The following GRM7 variants were observed in gnomAD, a reference collection of about 807,000 sequenced individuals.
GRM7 encodes metabotropic glutamate receptor 7.
In GRM7, 35 loss-of-function variants were observed where a neutral mutation model predicts 84.5. The ratio of observed to expected loss-of-function variants is 0.41; its 90% confidence interval spans 0.32 to 0.55. The LOEUF (loss-of-function observed/expected upper bound fraction) is 0.55. Among genes scored for constraint, GRM7 ranks in the 20% least tolerant of loss-of-function variants. GRM7 has a pLI of 0.19. For missense variants in GRM7, 1,003 were observed against 1,194.6 expected, an observed-to-expected ratio of 0.84 and a Z score of 2.36; for synonymous variants, 487 against 455.1, an observed-to-expected ratio of 1.07 and a Z score of -0.89.
intron 7 of GRM7, among the ~76,000 whole-genome samples, chr3:7,524,508 G>GA (rs1370116614): frequency 1.1e-5 from 1 of 88,468 alleles, no homozygotes; most frequent in Non-Finnish European, 2.1e-5. Context: ...AAAAACACAT[G>GA]AAAAAATGCT....
chr3:7,415,212 C>T (rs1296827304), intron 5 of GRM7, 49 bp downstream of exon 5: 1 of 1,487,544 alleles, frequency 6.7e-7, no homozygotes, highest in Non-Finnish European at 9.4e-7. Flanking sequence ...GTGGCTAGCA[C>T]TGACATGTCT....
At chr3:7,411,756 C>T (rs1369724181) in intron 4 of GRM7, among the ~76,000 whole-genome samples, 3 of 152,178 alleles carry the variant, frequency 2.0e-5, no homozygotes, top group Non-Finnish European at 4.4e-5. Context: ...TACCACACTA[C>T]ACATTCTTGA....
chr3:7,709,937 C>T (rs1178959164), intron 9 of GRM7, among the ~76,000 whole-genome samples: 2 of 152,140 alleles, frequency 1.3e-5, no homozygotes, highest in Admixed American at 6.5e-5. Flanking sequence ...ATTAGGCGCC[C>T]TCCTGACCCA....
At chr3:6,981,969 C>T (rs548770126) in intron 1 of GRM7, among the ~76,000 whole-genome samples, 10 of 152,278 alleles carry the variant, frequency 6.6e-5, no homozygotes, top group African/African-American at 2.4e-4. Context: ...GAGTATAAAT[C>T]ATTCTGTTAA....
chr3:6,996,864 C>T (rs1249599906), intron 1 of GRM7, among the ~76,000 whole-genome samples: 3 of 152,154 alleles, frequency 2.0e-5, no homozygotes, highest in African/African-American at 7.2e-5. Context: ...ATCCCTGCAG[C>T]TCAACAAAAA....
intron 1 of GRM7, among the ~76,000 whole-genome samples, chr3:6,913,225 A>T (rs1696831844): frequency 6.6e-6 from 1 of 152,162 alleles, no homozygotes; most frequent in Non-Finnish European, 1.5e-5. Flanking sequence ...ATTCTGGAAG[A>T]TTTCTGATAT....
intron 1 of GRM7, among the ~76,000 whole-genome samples, chr3:6,938,345 T>C (rs1018917778): frequency 1.3e-5 from 2 of 152,120 alleles, no homozygotes; most frequent in Non-Finnish European, 2.9e-5. Context: ...TTTCCAGAAG[T>C]ATTACACAAA....
At chr3:7,070,284 A>G (rs1697819026) in intron 1 of GRM7, among the ~76,000 whole-genome samples, 1 of 152,156 alleles carries the variant, frequency 6.6e-6, no homozygotes, top group Non-Finnish European at 1.5e-5. Context: ...AACAGTTTCC[A>G]AAGTGTATTT....
chr3:7,526,489 C>T (rs1243831720), intron 7 of GRM7, among the ~76,000 whole-genome samples: 2 of 152,014 alleles, frequency 1.3e-5, no homozygotes, highest in Non-Finnish European at 2.9e-5. Context: ...TGTCTGTTTA[C>T]TCCATTGGTG....
intron 2 of GRM7, among the ~76,000 whole-genome samples, chr3:7,220,113 A>G (rs1389549732): frequency 2.0e-5 from 3 of 152,372 alleles, no homozygotes; most frequent in Admixed American, 2.0e-4. Context: ...TCTCTTATAC[A>G]GAAGAATTTC....
At chr3:7,469,474 G>A (rs989933023) in intron 7 of GRM7, among the ~76,000 whole-genome samples, 2 of 152,170 alleles carry the variant, frequency 1.3e-5, no homozygotes, top group African/African-American at 4.8e-5. Flanking sequence ...AGGTGAAATT[G>A]CTGCTCTTGA....
intron 4 of GRM7, among the ~76,000 whole-genome samples, chr3:7,373,040 G>A (rs1162586814): frequency 6.6e-6 from 1 of 152,030 alleles, no homozygotes; most frequent in Admixed American, 6.6e-5. Flanking sequence ...TTGAAATGTG[G>A]AATTATGATC....
chr3:7,138,079 T>C (rs764880941), intron 1 of GRM7, among the ~76,000 whole-genome samples: 1 of 152,022 alleles, frequency 6.6e-6, no homozygotes, highest in Non-Finnish European at 1.5e-5. Flanking sequence ...TAATTTTATA[T>C]AAAAATGCAT....
At chr3:7,602,312 G>A (rs1376046988) in intron 8 of GRM7, among the ~76,000 whole-genome samples, 1 of 152,024 alleles carries the variant, frequency 6.6e-6, no homozygotes, top group East Asian at 1.9e-4. Flanking sequence ...TGTGAATCAG[G>A]TTTTACAACC....
At chr3:7,569,102 G>A in intron 7 of GRM7, among the ~76,000 whole-genome samples, 1 of 152,164 alleles carries the variant, frequency 6.6e-6, no homozygotes, top group Non-Finnish European at 1.5e-5. Context: ...TCTAGCTAAG[G>A]GATTGTAAAT....
At chr3:7,420,250 T>C (rs1046667557) in intron 5 of GRM7, among the ~76,000 whole-genome samples, 2 of 150,406 alleles carry the variant, frequency 1.3e-5, no homozygotes, top group African/African-American at 4.9e-5. Context: ...AGAATATATG[T>C]GCAGAAATAA....
At chr3:6,970,196 C>T (rs1226747283) in intron 1 of GRM7, among the ~76,000 whole-genome samples, 3 of 102,486 alleles carry the variant, frequency 2.9e-5, no homozygotes, top group African/African-American at 7.6e-5. Flanking sequence ...GCTAGCCTCT[C>T]CTGAAAACTG....
intron 1 of GRM7, among the ~76,000 whole-genome samples, chr3:6,941,226 C>T (rs1697882185): frequency 6.6e-6 from 1 of 152,186 alleles, no homozygotes; most frequent in Non-Finnish European, 1.5e-5. Flanking sequence ...AGCAGACTGG[C>T]TAGAACCCTC....
intron 7 of GRM7, among the ~76,000 whole-genome samples, chr3:7,477,849 T>G (rs1011033533): frequency 9.2e-5 from 14 of 152,192 alleles, no homozygotes; most frequent in East Asian, 7.7e-4. Flanking sequence ...CAGCATACCT[T>G]GGTCCATGTC....
Sources: gnomAD v4.1 joint callset for allele counts (sites outside exome capture counted in the v4.1 genomes callset) on GRCh38, gnomAD v4.1.1 for gene constraint, MANE v1.5 for transcripts, NCBI Gene and HGNC (gene_info 2026-07-23, HGNC 2026-07-21) for gene names.